The following SYNC variants were observed in gnomAD, a reference collection of about 807,000 sequenced individuals.
SYNC encodes syncoilin.
A neutral mutation model predicts 49.5 loss-of-function variants in SYNC; 38 were observed. The ratio of observed to expected loss-of-function variants is 0.77; its 90% CI spans 0.59 to 1.01. The LOEUF (loss-of-function observed/expected upper bound fraction) is 1.01, where lower values mean the gene tolerates loss of function less well. Ranked by LOEUF, SYNC falls within the 50% of genes least tolerant of loss-of-function variation. The pLI is 0.00. For synonymous variants in SYNC, 201 were observed against 230.8 expected (o/e 0.87, Z 1.17); for missense variants, 579 against 580.6 (o/e 1.00, Z 0.03).
intron 1 of SYNC, among the ~76,000 whole-genome samples, chr1:32,699,809 C>T (rs542544522): frequency 6.6e-6 from 1 of 150,750 alleles, no homozygotes; most frequent in East Asian, 2.0e-4. Flanking sequence ...TCTCGGCTCA[C>T]TGCAACCTCC....
intron 1 of SYNC, among the ~76,000 whole-genome samples, chr1:32,697,817 T>A (rs1464142386): frequency 3.3e-5 from 5 of 152,152 alleles, no homozygotes; most frequent in Non-Finnish European, 7.3e-5. Flanking sequence ...TTGTGTCATA[T>A]CCTTGTGACA....
At position 32,695,423 on chromosome 1, in the gene SYNC, A is replaced by G; in HGVS notation, c.675T>C (p.His225=). Residue 225 remains histidine (H), a synonymous_variant, in exon 2 of 5, where the codon CAT becomes CAC. Transcript: ENST00000409190. ...CATCTCTCTCCAGCTCTGCTTGGGC[A>G]TGGAGCTTGTAGGCAGCCAGGATGT... is the stretch of plus-strand genomic sequence containing the variant. ...HQDILAAYKL[H]AQAELERDGL... 6.4e-7 allele frequency: 1 copy of G among 1,551,650 alleles called. No individual in the cohort carries two copies. The highest frequency in any genetic ancestry group is 1.4e-5 in the African/African-American group (1 of 72,986).
chr1:32,687,203 TAC>T (rs1649885512), intron 2 of SYNC, among the ~76,000 whole-genome samples: 1 of 151,432 alleles, frequency 6.6e-6, no homozygotes, highest in Non-Finnish European at 1.5e-5. Context: ...CTACTAAAAA[TAC>T]AAAAAATTAG....
rs930209068 is a variant in SYNC at position 32,691,635 on chromosome 1, A to G, written c.1233+3230T>C. Among the ~76,000 whole-genome samples the G allele has an allele frequency of 3.3e-5, 5 of 152,162 alleles. No individual in the cohort carries two copies. In the South Asian group the frequency reaches 8.3e-4, roughly 25 times the overall value. On this transcript the variant is annotated intron_variant, in intron 2 of 4. Transcript: ENST00000409190. ...AATGATGCAGCAGACTACTGAATAA[A>G]GTCCAAAACTCAAGCTTGTCACCTG...
rs542942441 is a variant in SYNC at position 32,690,001 on chromosome 1, A to T, written c.1233+4864T>A. ...ACTTTAGCAAACAGTTTAGGAAGCCATTTCAGAAAGAAAAATTAGGGACCT... is the reference window on the plus strand; with the variant it reads ...ACTTTAGCAAACAGTTTAGGAAGCCTTTTCAGAAAGAAAAATTAGGGACCT... On this transcript the variant is annotated intron_variant, in intron 2 of 4. Transcript: ENST00000409190. Among the ~76,000 whole-genome samples the T allele has an allele frequency of 8.4e-4, 127 of 151,854 alleles. No individual in the cohort carries two copies. In the Middle Eastern group the frequency reaches 0.01, roughly 12 times the overall value.
intron 4 of SYNC, 92 bp from the exon 5 acceptor site, chr1:32,681,952 T>G: frequency 8.4e-7 from 1 of 1,190,540 alleles, no homozygotes; most frequent in Middle Eastern, 2.1e-4. Context: ...CAGTGTGATT[T>G]ATGGATGATC....
Position 32,694,981 on chromosome 1 carries a change from C to T in SYNC, c.1117G>A (p.Glu373Lys), listed in dbSNP as rs745518831. The T allele has an allele frequency of 1.9e-6, 3 of 1,614,094 alleles. No homozygotes were observed. The highest frequency in any genetic ancestry group is 2.2e-5 in the South Asian group (2 of 91,082). The change falls in exon 2 of 5, where the codon GAG becomes AAG. Residue 373 changes from glutamate (E) to lysine (K), a missense_variant. Physicochemically the swap from Glu to Lys is moderately conservative, Grantham distance 56. Transcript: ENST00000409190. ...RTQAEIQEMK[E>K]ALRPLQAEAR... is the part of the protein sequence containing the mutation. ...TCTGCTTGCAGGGGTCTCAGAGCCT[C>T]CTTCATTTCCTGGATCTCAGCCTGG...
At chr1:32,686,892 CTT>C (rs759790342) in intron 2 of SYNC, among the ~76,000 whole-genome samples, 2 of 152,190 alleles carry the variant, frequency 1.3e-5, no homozygotes, top group African/African-American at 2.4e-5. Context: ...GGTTCTCAAA[CTT>C]TTCTGTGCAA....
At chr1:32,684,667 T>C (rs946599408) in intron 2 of SYNC, 3 of 341,106 alleles carry the variant, frequency 8.8e-6, no homozygotes, top group African/African-American at 6.3e-5. Flanking sequence ...TATTACAACC[T>C]TAGTGTCATT....
At position 32,695,061 on chromosome 1, in the gene SYNC, T is replaced by A; in HGVS notation, c.1037A>T (p.Gln346Leu). ...TTTCCTCTCTAGGAGCCGCAGGAAC[T>A]GAGGCTCATACTCCTCCTCCAGGTC... is the stretch of plus-strand genomic sequence containing the variant. ...RQDLEEEYEP[Q>L]FLRLLERKEA... Residue 346 changes from glutamine (Q) to leucine (L), a missense_variant, in exon 2 of 5, where the codon CAG becomes CTG. By Grantham distance (113) the Gln-to-Leu change is moderately radical (BLOSUM62 -2). Coordinates refer to ENST00000409190, the MANE Select transcript of SYNC (RefSeq NM_030786.3). The A allele has an allele frequency of 6.2e-7, 1 of 1,613,582 alleles. No individual in the cohort carries two copies. Among genetic ancestry groups the A allele is most frequent in the Non-Finnish European group, 8.5e-7 (1 of 1,179,958 alleles).
chr1:32,681,408 G>A lies in SYNC; in HGVS notation c.*442C>T, dbSNP rs1256249329. The A allele has an allele frequency of 6.0e-6, 1 of 167,698 alleles. No individual in the cohort carries two copies. The highest frequency in any genetic ancestry group is 1.3e-5 in the Non-Finnish European group (1 of 78,446). 10.4% of individuals were successfully genotyped at this position (167,698 alleles called of 1,614,324 possible). A position where few individuals can be genotyped will look rare whatever the true frequency, so the allele number is the denominator to read the frequency against. ...CTCGTGGCACAAAAGAATGGAAATT[G>A]TAAACCCATGTAATGGAAATTGGCT... On this transcript the variant is annotated 3_prime_UTR_variant, in exon 5 of 5. Transcript: ENST00000409190.
At chr1:32,691,794 T>A (rs1000691025) in intron 2 of SYNC, among the ~76,000 whole-genome samples, 7 of 152,222 alleles carry the variant, frequency 4.6e-5, no homozygotes, top group African/African-American at 1.7e-4. Context: ...TTAATGTGGC[T>A]ATTAGAAAAT....
At chr1:32,684,596 C>T in intron 2 of SYNC, 2 of 615,938 alleles carry the variant, frequency 3.2e-6, no homozygotes, top group South Asian at 4.1e-5. Flanking sequence ...AAAAAGGCAT[C>T]TTGTCTGTTA....
chr1:32,695,781 G>A lies in SYNC; in HGVS notation c.317C>T (p.Thr106Ile). ...CTCCGTGGTTTCCTCCACACACACT[G>A]TCTCCTCTGGATTCCCAGGCTCCTC... ...HVEEPGNPEE[T>I]VCVEETTEPD... The change falls in exon 2 of 5, where the codon ACA becomes ATA. Residue 106 changes from threonine to isoleucine, a missense_variant. Thr to Ile is a moderately conservative substitution (Grantham distance 89, BLOSUM62 -1). Coordinates refer to ENST00000409190, the MANE Select transcript of SYNC (RefSeq NM_030786.3). 6.4e-7 allele frequency: 1 copy of A among 1,551,564 alleles called. No homozygotes were observed.
At chr1:32,696,282 A>G (rs1650424428) in intron 1 of SYNC, among the ~76,000 whole-genome samples, 1 of 151,914 alleles carries the variant, frequency 6.6e-6, no homozygotes, top group African/African-American at 2.4e-5. Context: ...AGGACTCGAC[A>G]TACCTGAGGC....
intron 2 of SYNC, among the ~76,000 whole-genome samples, chr1:32,687,351 G>A (rs1649897462): frequency 9.8e-6 from 1 of 102,168 alleles, no homozygotes; most frequent in Non-Finnish European, 1.9e-5. Flanking sequence ...ACAAGAGCGA[G>A]ACTTCATCTC....
In SYNC at chr1:32,681,657, C is replaced by G. The variant is rs945946209; in HGVS notation, c.*193G>C. ...GAAATAGAATCCAGCAAAGAGTTGA[C>G]ATGTTCTGCCTCCGGCCAACTCTAG... On this transcript the variant is annotated 3_prime_UTR_variant, in exon 5 of 5. Coordinates refer to ENST00000409190, the MANE Select transcript of SYNC (RefSeq NM_030786.3). 30 of 736,610 alleles carry G rather than the reference C, an allele frequency of 4.1e-5. No individual in the cohort carries two copies. Among genetic ancestry groups the G allele is most frequent in the Middle Eastern group, 2.4e-4 (1 of 4,242 alleles). 45.6% of individuals were successfully genotyped at this position (736,610 alleles called of 1,614,324 possible). A position where few individuals can be genotyped will look rare whatever the true frequency, so the allele number is the denominator to read the frequency against.
chr1:32,701,421 G>A (rs752085753), intron 1 of SYNC, among the ~76,000 whole-genome samples: 39 of 152,284 alleles, frequency 2.6e-4, no homozygotes, highest in Non-Finnish European at 4.7e-4. Context: ...GACAAGCAGA[G>A]TTCTCATTCT....
intron 4 of SYNC, chr1:32,682,707 G>T (rs1367611091): frequency 3.3e-5 from 5 of 151,952 alleles, no homozygotes; most frequent in African/African-American, 4.8e-5. Flanking sequence ...GGAGGTGGAG[G>T]TTGCAGTGAA....
Sources: allele counts gnomAD v4.1 joint callset (sites outside exome capture counted in the v4.1 genomes callset), GRCh38; gene constraint gnomAD v4.1.1; transcripts MANE v1.5; gene names NCBI Gene and HGNC (gene_info 2026-07-23, HGNC 2026-07-21).